Variants in MOB3B observed in about 807,000 individuals in gnomAD.
MOB3B encodes MOB kinase activator 3B.
MOB3B carries 7 observed loss-of-function variants against 18.7 expected under a neutral mutation model. The ratio of observed to expected loss-of-function variants is 0.37; its 90% CI spans 0.21 to 0.70. The LOEUF (loss-of-function observed/expected upper bound fraction) is 0.70, where lower values mean the gene tolerates loss of function less well. Among genes scored for constraint, MOB3B ranks in the 30% least tolerant of loss-of-function variants. The pLI, the probability that MOB3B is intolerant of heterozygous loss-of-function variation, is 0.52. For synonymous variants in MOB3B, 111 were observed against 99.9 expected (o/e 1.11, Z -0.66); for missense variants, 253 against 281.3 (o/e 0.90, Z 0.72).
intron 1 of MOB3B, among the ~76,000 whole-genome samples, chr9:27,471,966 A>G (rs1819478977): frequency 1.3e-5 from 2 of 152,332 alleles, no homozygotes; most frequent in South Asian, 2.1e-4. Flanking sequence ...CCCGAGTCCA[A>G]GGGTGCTTTT....
Position 27,443,450 on chromosome 9 carries a change from T to G in MOB3B, c.418+11683A>C, listed in dbSNP as rs368845638. ...TTTCCAAACATACATAAACGATTTC[T>G]TCCTTTCTTTTACTGGTCTATCACT... On this transcript the variant is annotated intron_variant, in intron 2 of 3. Coordinates refer to ENST00000262244, the MANE Select transcript of MOB3B (RefSeq NM_024761.5). 1.3e-4 allele frequency among the ~76,000 whole-genome samples: 20 copies of G among 152,342 alleles called. No individual in the cohort carries two copies. In the South Asian group the frequency reaches 2.7e-3, roughly 21 times the overall value.
chr9:27,451,113 G>T (rs1822776105), intron 2 of MOB3B, among the ~76,000 whole-genome samples: 1 of 152,110 alleles, frequency 6.6e-6, no homozygotes, highest in Non-Finnish European at 1.5e-5. Context: ...TTTCTATCAG[G>T]TCTAAAATAT....
At chr9:27,462,531 A>T (rs574680168) in intron 1 of MOB3B, among the ~76,000 whole-genome samples, 44 of 152,330 alleles carry the variant, frequency 2.9e-4, no homozygotes, top group Non-Finnish European at 5.3e-4. Context: ...ATATTGAGAT[A>T]AGTATTTTTA....
At chr9:27,522,939 A>G (rs769767582) in intron 1 of MOB3B, among the ~76,000 whole-genome samples, 1 of 150,626 alleles carries the variant, frequency 6.6e-6, no homozygotes, top group Non-Finnish European at 1.5e-5. Flanking sequence ...TTTTTTCCGT[A>G]AGAAACCTTT....
chr9:27,466,634 T>C (rs545814456), intron 1 of MOB3B, among the ~76,000 whole-genome samples: 1 of 152,130 alleles, frequency 6.6e-6, no homozygotes, highest in African/African-American at 2.4e-5. Context: ...TTCCACATGG[T>C]TGGGGAGGCC....
chr9:27,420,527 A>G (rs886947586), intron 2 of MOB3B, among the ~76,000 whole-genome samples: 36 of 133,746 alleles, frequency 2.7e-4, no homozygotes, highest in Middle Eastern at 3.8e-3. Flanking sequence ...TATTCCATCT[A>G]TATATTCCAT....
At chr9:27,383,599 T>C (rs1429519553) in intron 2 of MOB3B, among the ~76,000 whole-genome samples, 1 of 152,194 alleles carries the variant, frequency 6.6e-6, no homozygotes, top group Non-Finnish European at 1.5e-5. Context: ...CTTTTTTATA[T>C]GTGGATATGG....
intron 3 of MOB3B, among the ~76,000 whole-genome samples, chr9:27,333,129 G>C (rs191970284): frequency 6.6e-6 from 1 of 152,030 alleles, no homozygotes; most frequent in African/African-American, 2.4e-5. Context: ...TTAAGTAGCA[G>C]AGTAACAGTT....
At chr9:27,401,669 G>A (rs1821882033) in intron 2 of MOB3B, among the ~76,000 whole-genome samples, 1 of 152,156 alleles carries the variant, frequency 6.6e-6, no homozygotes, top group Non-Finnish European at 1.5e-5. Flanking sequence ...GTACCTAATG[G>A]AGCACATCTA....
At chr9:27,381,320 C>T (rs1821574073) in intron 2 of MOB3B, among the ~76,000 whole-genome samples, 1 of 151,984 alleles carries the variant, frequency 6.6e-6, no homozygotes, top group Non-Finnish European at 1.5e-5. Flanking sequence ...ATGGCTGTTG[C>T]CTCTCGGTGT....
intron 2 of MOB3B, among the ~76,000 whole-genome samples, chr9:27,448,991 C>T (rs900785647): frequency 6.6e-6 from 1 of 152,192 alleles, no homozygotes; most frequent in Non-Finnish European, 1.5e-5. Context: ...TCCTGCTAAC[C>T]CATTCCTACC....
rs1348386595 is a variant in MOB3B, at chr9:27,525,527, A to G, written c.-199+4028T>C. ...TTTGAATTGATGCTTGTGGAATAGTATTTCATTACTTTAAGAGTGAAGATC... is the reference window on the plus strand; with the variant it reads ...TTTGAATTGATGCTTGTGGAATAGTGTTTCATTACTTTAAGAGTGAAGATC... On this transcript the variant is annotated intron_variant, in intron 1 of 3. Coordinates refer to ENST00000262244, the MANE Select transcript of MOB3B (RefSeq NM_024761.5). Among the ~76,000 whole-genome samples the G allele has an allele frequency of 2.0e-5, 3 of 152,090 alleles. No individual in the cohort carries two copies. In the South Asian group the frequency reaches 6.2e-4, roughly 32 times the overall value.
At chr9:27,476,809 G>T (rs1037950616) in intron 1 of MOB3B, among the ~76,000 whole-genome samples, 1 of 152,178 alleles carries the variant, frequency 6.6e-6, no homozygotes, top group African/African-American at 2.4e-5. Flanking sequence ...CATTTGTGCT[G>T]AAGCCACATT....
intron 1 of MOB3B, among the ~76,000 whole-genome samples, chr9:27,515,819 C>A (rs548119326): frequency 6.6e-6 from 1 of 152,170 alleles, no homozygotes; most frequent in Non-Finnish European, 1.5e-5. Context: ...TATCCCCTGT[C>A]GTGGATTGAA....
At chr9:27,357,909 A>AAAAAAAAAAAAAAAAG in intron 3 of MOB3B, among the ~76,000 whole-genome samples, 1 of 144,738 alleles carries the variant, frequency 6.9e-6, no homozygotes, top group Non-Finnish European at 1.5e-5. Flanking sequence ...AAAAAAAAAA[A>AAAAAAAAAAAAAAAAG]AAAAAAAAAA....
chr9:27,346,505 C>T (rs35551407), intron 3 of MOB3B, among the ~76,000 whole-genome samples: 17,464 of 152,156 alleles, frequency 0.11, 2,615 homozygotes, highest in African/African-American at 0.35. Context: ...AATGACGTAA[C>T]ACATAAACAC....
At chr9:27,478,765 A>G (rs1312678991) in intron 1 of MOB3B, among the ~76,000 whole-genome samples, 2 of 151,490 alleles carry the variant, frequency 1.3e-5, no homozygotes, top group African/African-American at 4.9e-5. Context: ...AGCAATACAT[A>G]TGTTCTTGAT....
At chr9:27,486,706 C>T (rs929795818) in intron 1 of MOB3B, among the ~76,000 whole-genome samples, 27 of 152,180 alleles carry the variant, frequency 1.8e-4, no homozygotes, top group African/African-American at 6.3e-4. Flanking sequence ...GCTAGTGTGA[C>T]TGTGGGGAGA....
At chr9:27,488,189 A>T (rs1372745125) in intron 1 of MOB3B, among the ~76,000 whole-genome samples, 1 of 152,182 alleles carries the variant, frequency 6.6e-6, no homozygotes, top group Non-Finnish European at 1.5e-5. Context: ...CATGGGAGGC[A>T]GAGGAGGGAC....
Sources: gnomAD v4.1 joint callset for allele counts (sites outside exome capture counted in the v4.1 genomes callset) on GRCh38, gnomAD v4.1.1 for gene constraint, MANE v1.5 for transcripts, NCBI Gene and HGNC (gene_info 2026-07-23, HGNC 2026-07-21) for gene names.